ADARB2: variants seen among roughly 807,000 people sequenced by gnomAD.
ADARB2 encodes the protein adenosine deaminase RNA specific B2 (inactive), also known as inactive double-stranded RNA-specific editase B2.
In ADARB2, 25 loss-of-function variants were observed where a neutral mutation model predicts 62.2. That is an observed-to-expected ratio of 0.40 (90% confidence interval 0.29 to 0.56). The LOEUF is 0.56. Among genes scored for constraint, ADARB2 ranks in the 20% least tolerant of loss-of-function variants. The probability of loss-of-function intolerance (pLI) is 0.43; values close to 1 mark genes in which losing one functional copy is unlikely to be tolerated. For synonymous variants in ADARB2, 572 were observed against 500.8 expected, an observed-to-expected ratio of 1.14 and a Z score of -1.90; for missense variants, 1,071 against 1,077.4, an observed-to-expected ratio of 0.99 and a Z score of 0.08.
chr10:1,414,795 T>C (rs1199865355), intron 1 of ADARB2, among the ~76,000 whole-genome samples: 2 of 152,156 alleles, frequency 1.3e-5, no homozygotes, highest in Non-Finnish European at 2.9e-5. Context: ...TGGTGTTGGG[T>C]CTGATCACCC....
intron 3 of ADARB2, among the ~76,000 whole-genome samples, chr10:1,282,493 T>C (rs1160289323): frequency 6.6e-6 from 1 of 152,228 alleles, no homozygotes; most frequent in African/African-American, 2.4e-5. Context: ...GATACTGCCA[T>C]TGATGACATA....
intron 1 of ADARB2, among the ~76,000 whole-genome samples, chr10:1,719,519 T>C (rs893026725): frequency 1.3e-5 from 2 of 152,144 alleles, no homozygotes; most frequent in African/African-American, 4.8e-5. Context: ...AAAAAATTGC[T>C]AAAAGAAACA....
intron 1 of ADARB2, among the ~76,000 whole-genome samples, chr10:1,582,898 C>T (rs897956658): frequency 2.6e-5 from 4 of 152,202 alleles, no homozygotes; most frequent in Admixed American, 1.3e-4. Flanking sequence ...ATAAGAGCCC[C>T]CAGCTCTGAT....
At chr10:1,730,279 G>A (rs1022281873) in intron 1 of ADARB2, among the ~76,000 whole-genome samples, 4 of 152,176 alleles carry the variant, frequency 2.6e-5, no homozygotes, top group African/African-American at 7.2e-5. Context: ...TTAGAGATCC[G>A]TAGGAGTGAG....
At chr10:1,606,730 G>A (rs888550975) in intron 1 of ADARB2, among the ~76,000 whole-genome samples, 1 of 152,080 alleles carries the variant, frequency 6.6e-6, no homozygotes, top group Non-Finnish European at 1.5e-5. Context: ...GAGCTGACAG[G>A]CTCCTGCACA....
At chr10:1,266,411 A>G (rs1831200997) in intron 4 of ADARB2, among the ~76,000 whole-genome samples, 1 of 151,252 alleles carries the variant, frequency 6.6e-6, no homozygotes, top group African/African-American at 2.4e-5. Context: ...GCATTTGTTC[A>G]GCATGAAAGA....
intron 7 of ADARB2, among the ~76,000 whole-genome samples, chr10:1,202,352 A>AT (rs1298029318): frequency 6.9e-6 from 1 of 144,724 alleles, no homozygotes; most frequent in African/African-American, 2.6e-5. Context: ...ATTATTTTGT[A>AT]TTTTTTCATA....
At chr10:1,370,518 C>T (rs1051284324) in intron 2 of ADARB2, among the ~76,000 whole-genome samples, 1 of 151,778 alleles carries the variant, frequency 6.6e-6, no homozygotes, top group Non-Finnish European at 1.5e-5. Context: ...TATCTCTGTT[C>T]CCTGATGACA....
At chr10:1,278,222 C>T (rs1301485463) in intron 3 of ADARB2, among the ~76,000 whole-genome samples, 2 of 152,052 alleles carry the variant, frequency 1.3e-5, no homozygotes, top group Admixed American at 1.3e-4. Context: ...TCAGGTGATC[C>T]TCCCGCCTTG....
intron 1 of ADARB2, among the ~76,000 whole-genome samples, chr10:1,532,740 C>A (rs1004384613): frequency 6.6e-6 from 1 of 152,174 alleles, no homozygotes. Context: ...GGCTATGGCG[C>A]CGGGACTCTT....
At chr10:1,574,479 C>T (rs1418746682) in intron 1 of ADARB2, among the ~76,000 whole-genome samples, 1 of 152,044 alleles carries the variant, frequency 6.6e-6, no homozygotes, top group Non-Finnish European at 1.5e-5. Context: ...AGAACAGACA[C>T]TCCTGTTCCC....
chr10:1,657,700 C>A (rs370047883), intron 1 of ADARB2, among the ~76,000 whole-genome samples: 1 of 152,186 alleles, frequency 6.6e-6, no homozygotes, highest in African/African-American at 2.4e-5. Context: ...CTAAGCCGAG[C>A]GCAGGGTGCT....
At chr10:1,286,123 G>T (rs1199549485) in intron 3 of ADARB2, among the ~76,000 whole-genome samples, 1 of 152,118 alleles carries the variant, frequency 6.6e-6, no homozygotes, top group Non-Finnish European at 1.5e-5. Flanking sequence ...AGCCAAGAGG[G>T]GGCTTGGGAG....
At chr10:1,330,891 T>C (rs1831922462) in intron 3 of ADARB2, among the ~76,000 whole-genome samples, 1 of 152,242 alleles carries the variant, frequency 6.6e-6, no homozygotes, top group Non-Finnish European at 1.5e-5. Flanking sequence ...TGTCTGATAA[T>C]GGTATGATAT....
chr10:1,500,662 T>C (rs571409823), intron 1 of ADARB2, among the ~76,000 whole-genome samples: 21 of 152,310 alleles, frequency 1.4e-4, no homozygotes, highest in African/African-American at 4.8e-4. Context: ...GTAAAATAGA[T>C]ACACAGCAAA....
chr10:1,637,822 G>A (rs765446749), intron 1 of ADARB2, among the ~76,000 whole-genome samples: 6 of 152,114 alleles, frequency 3.9e-5, no homozygotes, highest in African/African-American at 7.2e-5. Context: ...CTACTGCTCC[G>A]GGCTGCCTCC....
At chr10:1,423,935 T>C (rs1277991126) in intron 1 of ADARB2, among the ~76,000 whole-genome samples, 2 of 152,098 alleles carry the variant, frequency 1.3e-5, no homozygotes, top group East Asian at 1.9e-4. Context: ...AGGTCCACCA[T>C]GTATGCAGTA....
At chr10:1,670,921 C>T (rs900704872) in intron 1 of ADARB2, among the ~76,000 whole-genome samples, 2 of 152,156 alleles carry the variant, frequency 1.3e-5, no homozygotes, top group Non-Finnish European at 2.9e-5. Flanking sequence ...GGGGGCAGAA[C>T]GTCAGCGCCA....
chr10:1,685,004 G>A (rs1201544446), intron 1 of ADARB2, among the ~76,000 whole-genome samples: 1 of 152,142 alleles, frequency 6.6e-6, no homozygotes, highest in East Asian at 1.9e-4. Flanking sequence ...AGTTCTGAGT[G>A]TGGGTTGTCA....
Sources: allele counts gnomAD v4.1 joint callset (sites outside exome capture counted in the v4.1 genomes callset), GRCh38; gene constraint gnomAD v4.1.1; transcripts MANE v1.5; gene names NCBI Gene and HGNC (gene_info 2026-07-23, HGNC 2026-07-21).